The following INTS4 variants were observed in gnomAD, a reference collection of about 807,000 sequenced individuals.
INTS4 encodes the protein integrator complex subunit 4.
In INTS4, 70 loss-of-function variants were observed where a neutral mutation model predicts 119.5. The observed-to-expected ratio is 0.59, with a 90% CI of 0.48 to 0.71. INTS4 has a LOEUF of 0.71. Among genes scored for constraint, INTS4 ranks in the 30% least tolerant of loss-of-function variants. The probability of loss-of-function intolerance (pLI) is 0.00; values close to 1 mark genes in which losing one functional copy is unlikely to be tolerated. For synonymous variants in INTS4, 316 were observed against 419.6 expected (o/e 0.75, Z 3.02); for missense variants, 867 against 1,173.2 (o/e 0.74, Z 3.81).
chr11:77,889,125 CAT>C (rs1015493839), intron 21 of INTS4, among the ~76,000 whole-genome samples: 4 of 152,172 alleles, frequency 2.6e-5, no homozygotes, highest in Admixed American at 6.5e-5. Flanking sequence ...CACATGCACA[CAT>C]ATGTTTATTG....
intron 19 of INTS4, among the ~76,000 whole-genome samples, chr11:77,892,502 G>A (rs773651693): frequency 3.3e-5 from 5 of 152,176 alleles, no homozygotes; most frequent in African/African-American, 4.8e-5. Flanking sequence ...CAACCCAACT[G>A]TGCAAAAACA....
At chr11:77,984,912 A>AT (rs1184143512) in intron 2 of INTS4, among the ~76,000 whole-genome samples, 3 of 27,796 alleles carry the variant, frequency 1.1e-4, no homozygotes, top group East Asian at 4.2e-3. Flanking sequence ...ATAAATGTAA[A>AT]TGAAAAAAAA....
chr11:77,922,940 A>G lies in INTS4; in HGVS notation c.1515-469T>C, dbSNP rs542125959. ...GGGAGCTTCTCAGGGATGTTTTTGC[A>G]AATCAAAAGAGCAATGCATGAAAGG... On this transcript the variant is annotated intron_variant, in intron 12 of 22. Coordinates refer to ENST00000534064, the MANE Select transcript of INTS4 (RefSeq NM_033547.4). 16 of 196,252 alleles carry G rather than the reference A, an allele frequency of 8.2e-5. No homozygotes were observed. The East Asian group carries it at 2.6e-3, about 31-fold the overall frequency. The allele number at this position is 196,252 out of a possible 1,614,324, so 12.2% of individuals were successfully genotyped here. A position where few individuals can be genotyped will look rare whatever the true frequency, so the allele number is the denominator to read the frequency against.
chr11:77,958,680 T>C, intron 7 of INTS4, 66 bp downstream of exon 7: 5 of 917,058 alleles, frequency 5.5e-6, no homozygotes, highest in South Asian at 1.4e-5. Flanking sequence ...AGTGGGCTTT[T>C]TGCATGGTGA....
At chr11:77,939,328 T>C (rs1953873229) in intron 9 of INTS4, among the ~76,000 whole-genome samples, 1 of 152,090 alleles carries the variant, frequency 6.6e-6, no homozygotes, top group Admixed American at 6.5e-5. Flanking sequence ...GTACAAAAAT[T>C]AGCTGGGCGT....
chr11:77,981,827 T>A (rs1174133308), intron 2 of INTS4, among the ~76,000 whole-genome samples: 1 of 152,020 alleles, frequency 6.6e-6, no homozygotes, highest in African/African-American at 2.4e-5. Context: ...CAGTGCGTGA[T>A]CTTGGCTCAA....
intron 4 of INTS4, chr11:77,977,954 A>T (rs1221930418): frequency 2.0e-5 from 3 of 151,816 alleles, no homozygotes; most frequent in African/African-American, 7.3e-5. Flanking sequence ...CAGTGGCTCA[A>T]TCTCCACTCA....
In INTS4 at chr11:77,890,841, A is replaced by C. The variant is rs181943475; in HGVS notation, c.2592+478T>G. Among the ~76,000 whole-genome samples the C allele has an allele frequency of 1.4e-3, 214 of 152,282 alleles. 1 individual carries two copies. Among genetic ancestry groups the C allele is most frequent in the African/African-American group, 3.5e-3 (145 of 41,564 alleles). The stretch of plus-strand genomic sequence containing the variant: ...CTGAATTGATTAGTGTCTCTACTAC[A>C]TTTCTCATGTGTCTCTATTACATCT... On this transcript the variant is annotated intron_variant, in intron 21 of 22. Transcript: ENST00000534064.
chr11:77,976,983 G>A (rs1024648506), intron 4 of INTS4, among the ~76,000 whole-genome samples: 4 of 151,982 alleles, frequency 2.6e-5, no homozygotes, highest in Admixed American at 6.6e-5. Context: ...GTTAAATTAC[G>A]AGTTGATGGG....
chr11:77,925,590 A>C (rs1336224116), intron 11 of INTS4, among the ~76,000 whole-genome samples: 1 of 152,260 alleles, frequency 6.6e-6, no homozygotes, highest in Non-Finnish European at 1.5e-5. Flanking sequence ...TCAAGATTTC[A>C]AGAATGAGAA....
downstream of INTS4, chr11:77,877,011 C>T (rs1443526178): frequency 1.4e-6 from 1 of 703,082 alleles, no homozygotes; most frequent in Non-Finnish European, 2.6e-6. Context: ...TTCCACCTGG[C>T]TACAGCTTCA....
intron 10 of INTS4, among the ~76,000 whole-genome samples, chr11:77,933,417 G>A (rs1953708076): frequency 6.6e-6 from 1 of 152,182 alleles, no homozygotes; most frequent in Admixed American, 6.5e-5. Flanking sequence ...GTGGAGACGG[G>A]GTTTCGCTGT....
At chr11:77,965,402 A>G (rs200819620) in intron 4 of INTS4, among the ~76,000 whole-genome samples, 1 of 152,176 alleles carries the variant, frequency 6.6e-6, no homozygotes, top group Non-Finnish European at 1.5e-5. Flanking sequence ...GTCACCTGCT[A>G]TGTAATAGAT....
In INTS4 at chr11:77,939,274, G is replaced by A. The variant is rs572190328; in HGVS notation, c.991-449C>T. Among the ~76,000 whole-genome samples the A allele has an allele frequency of 3.3e-5, 5 of 152,134 alleles. No homozygotes were observed. The South Asian group carries it at 1.0e-3, about 32-fold the overall frequency. ...AGGCTGATCACGAGGTCAGGAGATTGAGACCATCCTGGCCAACATGGTGAA... is the reference window on the plus strand; with the variant it reads ...AGGCTGATCACGAGGTCAGGAGATTAAGACCATCCTGGCCAACATGGTGAA... On this transcript the variant is annotated intron_variant, in intron 9 of 22. Coordinates refer to ENST00000534064, the MANE Select transcript of INTS4 (RefSeq NM_033547.4).
chr11:77,934,125 T>C (rs1170339710), intron 10 of INTS4, among the ~76,000 whole-genome samples: 1 of 151,988 alleles, frequency 6.6e-6, no homozygotes, highest in Non-Finnish European at 1.5e-5. Context: ...ATGTGCTGTG[T>C]CCACTCAGGG....
chr11:77,990,965 C>T (rs1161825462), intron 2 of INTS4, 143 bp downstream of exon 2: 9 of 661,822 alleles, frequency 1.4e-5, no homozygotes, highest in East Asian at 5.4e-5. Context: ...TTTTTTATCT[C>T]GGTATCCATA....
intron 4 of INTS4, among the ~76,000 whole-genome samples, chr11:77,975,617 T>G (rs1327579590): frequency 2.0e-5 from 3 of 152,102 alleles, no homozygotes; most frequent in African/African-American, 7.2e-5. Context: ...TGAAAAAGCT[T>G]GTGACAGATC....
At chr11:77,965,970 C>A (rs1359711745) in intron 4 of INTS4, among the ~76,000 whole-genome samples, 8 of 152,168 alleles carry the variant, frequency 5.3e-5, no homozygotes, top group Non-Finnish European at 7.3e-5. Context: ...CTTGTCTCCC[C>A]ATACCAACAC....
At chr11:77,924,540 T>C (rs929315451) in intron 12 of INTS4, 18 of 527,640 alleles carry the variant, frequency 3.4e-5, no homozygotes, top group East Asian at 1.2e-4. Flanking sequence ...GCTAGGTGGA[T>C]AGATGCACAA....
Sources: gnomAD v4.1 joint callset for allele counts (sites outside exome capture counted in the v4.1 genomes callset) on GRCh38, gnomAD v4.1.1 for gene constraint, MANE v1.5 for transcripts, NCBI Gene and HGNC (gene_info 2026-07-23, HGNC 2026-07-21) for gene names.